The following ANLN variants were observed in gnomAD, a reference collection of about 807,000 sequenced individuals.
ANLN encodes anillin, actin binding protein.
A neutral mutation model predicts 135.1 loss-of-function variants in ANLN; 59 were observed. The ratio of observed to expected loss-of-function variants is 0.44; its 90% CI spans 0.35 to 0.54. ANLN has a LOEUF of 0.54. ANLN is among the 20% of genes least tolerant of loss of function. ANLN has a pLI of 0.00. For missense variants in ANLN, 1,182 were observed against 1,340.0 expected (o/e 0.88, Z 1.84); for synonymous variants, 406 against 456.4 (o/e 0.89, Z 1.41).
chr7:36,424,857 A>G, intron 17 of ANLN, 115 bp downstream of exon 17: 1 of 1,032,036 alleles, frequency 9.7e-7, no homozygotes, highest in Non-Finnish European at 1.4e-6. Flanking sequence ...GATCAGTTTC[A>G]TGTTCCAATT....
At chr7:36,398,404 C>G (rs1256307362) in intron 2 of ANLN, among the ~76,000 whole-genome samples, 1 of 152,126 alleles carries the variant, frequency 6.6e-6, no homozygotes, top group Non-Finnish European at 1.5e-5. Flanking sequence ...AACCTGGTTT[C>G]TACACTTGGC....
At chr7:36,390,974 C>G (rs1403683903) in intron 1 of ANLN, among the ~76,000 whole-genome samples, 1 of 152,200 alleles carries the variant, frequency 6.6e-6, no homozygotes, top group African/African-American at 2.4e-5. Context: ...ACTGTTTACA[C>G]TGATTCAAAA....
At chr7:36,413,993 C>CA (rs35961056) in intron 7 of ANLN, among the ~76,000 whole-genome samples, 234 of 133,892 alleles carry the variant, frequency 1.7e-3, no homozygotes, top group East Asian at 0.012. Flanking sequence ...GACTCCGTCT[C>CA]AAAAAAAAAA....
At chr7:36,410,134 T>C (rs1213780046) in intron 5 of ANLN, among the ~76,000 whole-genome samples, 1 of 152,212 alleles carries the variant, frequency 6.6e-6, no homozygotes, top group Non-Finnish European at 1.5e-5. Context: ...TGTAAGTTGT[T>C]GGAAGTTACC....
At chr7:36,421,411 T>G (rs933458329) in intron 12 of ANLN, among the ~76,000 whole-genome samples, 1 of 151,472 alleles carries the variant, frequency 6.6e-6, no homozygotes, top group African/African-American at 2.4e-5. Flanking sequence ...AGAGATGGAG[T>G]CTCACTATGT....
chr7:36,415,994 G>C, intron 8 of ANLN, 110 bp downstream of exon 8: 1 of 952,592 alleles, frequency 1.0e-6, no homozygotes, highest in Non-Finnish European at 1.5e-6. Flanking sequence ...AACGTTTTTT[G>C]GGGGGAATCT....
At chr7:36,431,989 A>G (rs1788350690) in intron 20 of ANLN, among the ~76,000 whole-genome samples, 1 of 152,076 alleles carries the variant, frequency 6.6e-6, no homozygotes, top group Non-Finnish European at 1.5e-5. Context: ...AAGTGGGAGG[A>G]TCGTTTAAAG....
intron 1 of ANLN, chr7:36,390,432 A>G: frequency 4.1e-6 from 1 of 246,640 alleles, no homozygotes; most frequent in Non-Finnish European, 7.9e-6. Flanking sequence ...GGGGCCGGTG[A>G]CTCAGTGCGG....
chr7:36,410,429 G>A, intron 5 of ANLN, 85 bp from the exon 6 acceptor site: 1 of 1,166,582 alleles, frequency 8.6e-7, no homozygotes, highest in African/African-American at 1.6e-5. Context: ...TTTTGAAGCT[G>A]TAATGTAGTT....
At chr7:36,393,747 C>T (rs1786577689) in intron 1 of ANLN, among the ~76,000 whole-genome samples, 1 of 152,128 alleles carries the variant, frequency 6.6e-6, no homozygotes, top group Admixed American at 6.5e-5. Flanking sequence ...ATCTCTTGTC[C>T]AATTAAAGCT....
chr7:36,443,653 G>A (rs1479554298), intron 21 of ANLN, 102 bp from the exon 22 acceptor site: 4 of 661,374 alleles, frequency 6.0e-6, no homozygotes, highest in Non-Finnish European at 1.0e-5. Context: ...TTTGAGATAT[G>A]AAATATGTCA....
Position 36,421,853 on chromosome 7 carries a change from C to T in ANLN, c.2164-4C>T. The T allele has an allele frequency of 6.3e-7, 1 of 1,593,334 alleles. No individual in the cohort carries two copies. Among genetic ancestry groups the T allele is most frequent in the African/African-American group, 1.4e-5 (1 of 73,894 alleles). On this transcript the variant is annotated splice_polypyrimidine_tract_variant and splice_region_variant and intron_variant, in intron 12 of 23. Transcript: ENST00000265748. ...ATTTTTTCTCCTCTCATTGGTTTTC[C>T]TAGGAACTCAATAACGAAATAAATA...
chr7:36,396,362 C>A lies in ANLN; in HGVS notation c.115C>A (p.Arg39=), dbSNP rs757242868. 3.7e-6 allele frequency: 6 copies of A among 1,604,418 alleles called. No individual in the cohort carries two copies. The East Asian group carries it at 1.3e-4, about 36-fold the overall frequency. Residue 39 remains arginine (R), a synonymous_variant, in exon 2 of 24, where the codon CGA becomes AGA. Transcript: ENST00000265748. ...AAPRSMTHAK[R]ARQPLSEASN... is the part of the protein sequence containing the mutation. ...TCCAAGGTCTATGACTCATGCTAAG[C>A]GAGCTAGACAGCCACTTTCAGAAGC...
rs70977145 is a variant in ANLN at position 36,445,161 on chromosome 7, C to CTTT, written c.3078+1324_3078+1326dup. On this transcript the variant is annotated intron_variant, in intron 22 of 23. Coordinates refer to ENST00000265748, the MANE Select transcript of ANLN (RefSeq NM_018685.5). ...TTAGAGGCGTTTCAGATTTGGGATTCTTTTTTTTTTTTTTTTTTTTTTTTT... is the reference window on the plus strand; with the variant it reads ...TTAGAGGCGTTTCAGATTTGGGATTCTTTTTTTTTTTTTTTTTTTTTTTTTTTT... Among the ~76,000 whole-genome samples, 266 of 57,832 alleles carry CTTT rather than the reference C, an allele frequency of 4.6e-3. 47 individuals are homozygous for CTTT. The highest frequency in any genetic ancestry group is 0.014 in the African/African-American group (211 of 14,676). The allele number at this position is 57,832 out of a possible 152,430, so 37.9% of individuals were successfully genotyped here. A position where few individuals can be genotyped will look rare whatever the true frequency, so the allele number is the denominator to read the frequency against.
At chr7:36,451,983 A>G (rs1318049466) in intron 23 of ANLN, among the ~76,000 whole-genome samples, 1 of 152,254 alleles carries the variant, frequency 6.6e-6, no homozygotes, top group Non-Finnish European at 1.5e-5. Flanking sequence ...CTACTAATAT[A>G]GTAGGACAAA....
chr7:36,397,518 AG>A (rs971417267), intron 2 of ANLN, among the ~76,000 whole-genome samples: 4 of 152,264 alleles, frequency 2.6e-5, no homozygotes, highest in African/African-American at 9.6e-5. Context: ...TGCATGTTAA[AG>A]CAGGAACACT....
chr7:36,419,578 A>G, intron 10 of ANLN, 99 bp downstream of exon 10: 1 of 996,282 alleles, frequency 1.0e-6, no homozygotes, highest in South Asian at 1.6e-5. Context: ...TTGGCTCAGT[A>G]GCCAAGGGAA....
intron 2 of ANLN, among the ~76,000 whole-genome samples, chr7:36,398,171 A>ATT (rs34778019): frequency 0.24 from 35,941 of 148,598 alleles, 4,883 homozygotes; most frequent in South Asian, 0.36. Flanking sequence ...GTTCTGATAG[A>ATT]TTTTTTTTTT....
rs778547857 is a variant in ANLN at position 36,399,065 on chromosome 7, C to T, written c.173-14C>T. The T allele has an allele frequency of 3.8e-5, 60 of 1,567,068 alleles. No individual in the cohort carries two copies. In the Admixed American group the frequency reaches 7.2e-4, roughly 19 times the overall value. ...TACAAATTTGAATGTCTTTTTTCATCGTTTTTAATGTAGAGAAATCTTGTA... is the reference window on the plus strand; with the variant it reads ...TACAAATTTGAATGTCTTTTTTCATTGTTTTTAATGTAGAGAAATCTTGTA... On this transcript the variant is annotated splice_polypyrimidine_tract_variant and intron_variant, in intron 2 of 23. Coordinates refer to ENST00000265748, the MANE Select transcript of ANLN (RefSeq NM_018685.5).
Sources: allele counts gnomAD v4.1 joint callset (sites outside exome capture counted in the v4.1 genomes callset), GRCh38; gene constraint gnomAD v4.1.1; transcripts MANE v1.5; gene names NCBI Gene and HGNC (gene_info 2026-07-23, HGNC 2026-07-21).